Variants in LSM6 observed in about 807,000 individuals in gnomAD.
LSM6 encodes LSM6 homolog, U6 small nuclear RNA and mRNA degradation associated, also known as U6 snRNA-associated Sm-like protein LSm6.
A neutral mutation model predicts 13.5 loss-of-function variants in LSM6; 2 were observed. The ratio of observed to expected loss-of-function variants is 0.15; its 90% CI spans 0.06 to 0.47. LSM6 has a LOEUF of 0.47. Ranked by LOEUF, LSM6 falls within the 20% of genes least tolerant of loss-of-function variation. The pLI is 0.97. For synonymous variants in LSM6, 43 were observed against 34.9 expected (o/e 1.23, Z -0.82); for missense variants, 58 against 96.4 (o/e 0.60, Z 1.67).
At chr4:146,178,086 G>A (rs1730149705) in intron 1 of LSM6, among the ~76,000 whole-genome samples, 1 of 152,212 alleles carries the variant, frequency 6.6e-6, no homozygotes, top group Non-Finnish European at 1.5e-5. Flanking sequence ...GTTAGTATTT[G>A]TTGAAGTACA....
chr4:146,186,887 C>A (rs902226582), intron 2 of LSM6, among the ~76,000 whole-genome samples: 1 of 152,208 alleles, frequency 6.6e-6, no homozygotes, highest in Admixed American at 6.5e-5. Flanking sequence ...GTAGGAAATG[C>A]CACTGGAACC....
At chr4:146,188,077 G>A (rs1377025596) in intron 3 of LSM6, among the ~76,000 whole-genome samples, 1 of 152,066 alleles carries the variant, frequency 6.6e-6, no homozygotes, top group Non-Finnish European at 1.5e-5. Context: ...AATTCTGGAT[G>A]TCTTCAACCC....
intron 1 of LSM6, 140 bp from the exon 2 acceptor site, chr4:146,182,772 A>G (rs527899393): frequency 7.1e-5 from 41 of 576,896 alleles, no homozygotes; most frequent in Non-Finnish European, 1.2e-4. Context: ...GTCATGTAGT[A>G]GCAGTGGAGT....
At chr4:146,178,791 A>G (rs941139024) in intron 1 of LSM6, among the ~76,000 whole-genome samples, 1 of 151,986 alleles carries the variant, frequency 6.6e-6, no homozygotes, top group African/African-American at 2.4e-5. Flanking sequence ...CAGTGCTGCT[A>G]CTCTCCAACT....
chr4:146,175,962 G>C (rs1181143535), intron 1 of LSM6, 151 bp downstream of exon 1: 1 of 152,670 alleles, frequency 6.6e-6, no homozygotes, highest in East Asian at 1.9e-4. Flanking sequence ...AACAGGCTGG[G>C]GCTCCGGGAA....
intron 2 of LSM6, among the ~76,000 whole-genome samples, chr4:146,184,285 G>A (rs1265162798): frequency 1.3e-5 from 2 of 152,074 alleles, no homozygotes; most frequent in Non-Finnish European, 2.9e-5. Flanking sequence ...CATAGCACAG[G>A]TTTTTGTGGC....
intron 1 of LSM6, chr4:146,176,356 G>C (rs936865863): frequency 6.6e-6 from 1 of 152,272 alleles, no homozygotes; most frequent in Admixed American, 6.5e-5. Flanking sequence ...CGAGGAACCC[G>C]ATTGTATGGT....
rs1162910280 is a variant in LSM6, at chr4:146,186,452, TAAA to T, written c.95-821_95-819del. ...TTTTTTTTTCTAGGAAATACCACTTTAAATTAGAGACAGAATTAGAGGCTTACA... is the reference window on the plus strand; with the variant it reads ...TTTTTTTTTCTAGGAAATACCACTTTTTAGAGACAGAATTAGAGGCTTACA... On this transcript the variant is annotated intron_variant, in intron 2 of 3. Transcript: ENST00000296581. 2.0e-5 allele frequency among the ~76,000 whole-genome samples: 3 copies of T among 152,174 alleles called. No individual in the cohort carries two copies. The East Asian group carries it at 5.8e-4, about 29-fold the overall frequency.
At chr4:146,181,819 G>A (rs1730238174) in intron 1 of LSM6, among the ~76,000 whole-genome samples, 1 of 152,104 alleles carries the variant, frequency 6.6e-6, no homozygotes, top group Non-Finnish European at 1.5e-5. Context: ...CTTAACTACA[G>A]TTTTATTAAC....
intron 1 of LSM6, among the ~76,000 whole-genome samples, chr4:146,180,496 CT>C (rs1730209389): frequency 1.3e-5 from 2 of 152,178 alleles, no homozygotes; most frequent in Non-Finnish European, 2.9e-5. Context: ...ATTAATAATA[CT>C]TTTAAAATAA....
rs577380894 is a variant in LSM6 at position 146,185,599 on chromosome 4, A to G, written c.95-1675A>G. Among the ~76,000 whole-genome samples the G allele has an allele frequency of 3.3e-4, 50 of 150,768 alleles. No individual in the cohort carries two copies. In the South Asian group the frequency reaches 0.01, roughly 31 times the overall value. On this transcript the variant is annotated intron_variant, in intron 2 of 3. Transcript: ENST00000296581. The stretch of plus-strand genomic sequence containing the variant: ...TGTTTTTGGTTTTGTATAGTAGTTT[A>G]TCTCATGGAAGGAAAGGGTTGTATT...
At chr4:146,187,192 A>G in intron 2 of LSM6, 82 bp from the exon 3 acceptor site, 1 of 679,524 alleles carries the variant, frequency 1.5e-6, no homozygotes, top group South Asian at 1.9e-5. Flanking sequence ...GAATAAAGAG[A>G]TTGTCTGCTC....
intron 2 of LSM6, among the ~76,000 whole-genome samples, chr4:146,185,423 A>T (rs892866921): frequency 6.6e-6 from 1 of 151,276 alleles, no homozygotes; most frequent in East Asian, 1.9e-4. Context: ...AATGTTTTAT[A>T]CTATTAGATA....
At chr4:146,177,438 A>G (rs565421520) in intron 1 of LSM6, among the ~76,000 whole-genome samples, 72 of 152,344 alleles carry the variant, frequency 4.7e-4, no homozygotes, top group Non-Finnish European at 8.1e-4. Flanking sequence ...GAAATCCATT[A>G]TTTAGAATGG....
chr4:146,187,061 A>G (rs1304474611), intron 2 of LSM6, among the ~76,000 whole-genome samples: 1 of 152,212 alleles, frequency 6.6e-6, no homozygotes, highest in Non-Finnish European at 1.5e-5. Flanking sequence ...TTTACCGGGT[A>G]GTAGTGGGTG....
intron 2 of LSM6, among the ~76,000 whole-genome samples, chr4:146,185,701 AATAG>A (rs1318614085): frequency 6.6e-6 from 1 of 151,254 alleles, no homozygotes; most frequent in Non-Finnish European, 1.5e-5. Flanking sequence ...TTGCTGTGAG[AATAG>A]ATATTTTAAT....
At chr4:146,184,283 A>G (rs538289422) in intron 2 of LSM6, among the ~76,000 whole-genome samples, 1 of 152,150 alleles carries the variant, frequency 6.6e-6, no homozygotes, top group Non-Finnish European at 1.5e-5. Context: ...ACCATAGCAC[A>G]GGTTTTTGTG....
At position 146,191,007 on chromosome 4, in the gene LSM6, A is replaced by G. The variant is rs538596309; in HGVS notation, c.*1351A>G. 2 of 152,312 alleles carry G rather than the reference A, an allele frequency of 1.3e-5. No individual in the cohort carries two copies. Among genetic ancestry groups the G allele is most frequent in the African/African-American group, 4.8e-5 (2 of 41,574 alleles). 9.4% of individuals were successfully genotyped at this position (152,312 alleles called of 1,614,324 possible). A position where few individuals can be genotyped will look rare whatever the true frequency, so the allele number is the denominator to read the frequency against. On this transcript the variant is annotated 3_prime_UTR_variant, in exon 4 of 4. Coordinates refer to ENST00000296581, the MANE Select transcript of LSM6 (RefSeq NM_007080.3). Reference sequence around the variant, plus strand: ...GATCAGAGAGTAATTGGAAACAATTATTTTTTAATTAATAACTTGGGAAAG... The same window carrying G: ...GATCAGAGAGTAATTGGAAACAATTGTTTTTTAATTAATAACTTGGGAAAG...
intron 3 of LSM6, among the ~76,000 whole-genome samples, chr4:146,189,193 A>G (rs907473344): frequency 2.0e-5 from 3 of 152,040 alleles, no homozygotes; most frequent in Admixed American, 6.6e-5. Context: ...GGGTTTCACC[A>G]TGTTGCCCAG....
Sources: allele counts gnomAD v4.1 joint callset (sites outside exome capture counted in the v4.1 genomes callset), GRCh38; gene constraint gnomAD v4.1.1; transcripts MANE v1.5; gene names NCBI Gene and HGNC (gene_info 2026-07-23, HGNC 2026-07-21).